The following GIMAP8 variants were observed in gnomAD, a reference collection of about 807,000 sequenced individuals.
The protein encoded by GIMAP8 is GTPase IMAP family member 8.
In GIMAP8, 29 loss-of-function variants were observed where a neutral mutation model predicts 35.6. The ratio of observed to expected loss-of-function variants is 0.81; its 90% CI spans 0.61 to 1.11. The LOEUF (loss-of-function observed/expected upper bound fraction) is 1.11, where lower values mean the gene tolerates loss of function less well. Among genes scored for constraint, GIMAP8 ranks in the 50% most tolerant of loss-of-function variants. The pLI, the probability that GIMAP8 is intolerant of heterozygous loss-of-function variation, is 0.00. For missense variants in GIMAP8, 811 were observed against 805.0 expected (o/e 1.01, Z -0.09); for synonymous variants, 335 against 308.7 (o/e 1.09, Z -0.89).
chr7:150,452,339 G>T (rs1335620170), intron 1 of GIMAP8, among the ~76,000 whole-genome samples: 1 of 151,380 alleles, frequency 6.6e-6, no homozygotes, highest in Non-Finnish European at 1.5e-5. Context: ...GTGTGTGTAG[G>T]TCCTGACATC....
intron 2 of GIMAP8, among the ~76,000 whole-genome samples, chr7:150,467,835 G>C (rs542332061): frequency 6.6e-6 from 1 of 152,192 alleles, no homozygotes; most frequent in South Asian, 2.1e-4. Flanking sequence ...ACTACTAACG[G>C]TTTTCAAATG....
At position 150,478,063 on chromosome 7, in the gene GIMAP8, A is replaced by G. The variant is rs1802281053; in HGVS notation, c.*283A>G. ...TAATAAGTGGTAGAATCAAGTCACA[A>G]GAATCACCTCACTTGTGTAGGTAGG... On this transcript the variant is annotated 3_prime_UTR_variant, in exon 5 of 5. Coordinates refer to ENST00000307271, the MANE Select transcript of GIMAP8 (RefSeq NM_175571.4). 2.2e-6 allele frequency: 1 copy of G among 453,772 alleles called. No individual in the cohort carries two copies. Among genetic ancestry groups the G allele is most frequent in the Non-Finnish European group, 3.9e-6 (1 of 254,174 alleles). 28.1% of individuals were successfully genotyped at this position (453,772 alleles called of 1,614,324 possible).
intron 1 of GIMAP8, among the ~76,000 whole-genome samples, chr7:150,466,004 G>A (rs952850856): frequency 4.6e-5 from 7 of 152,282 alleles, no homozygotes; most frequent in African/African-American, 1.7e-4. Context: ...AGCAGAAGGT[G>A]AACCAGGTCA....
In GIMAP8 at chr7:150,475,703, T is replaced by G. The variant is rs1802213240; in HGVS notation, c.1309+1065T>G. On this transcript the variant is annotated intron_variant, in intron 4 of 4. Transcript: ENST00000307271. ...AGATAAAACCCAAAGGAGCATATTT[T>G]CTTATTGAACCCTCCTTTAGAAGTA... 2.6e-5 allele frequency among the ~76,000 whole-genome samples: 4 copies of G among 152,318 alleles called. 1 individual carries two copies. The South Asian group carries it at 8.3e-4, about 32-fold the overall frequency.
intron 2 of GIMAP8, among the ~76,000 whole-genome samples, chr7:150,470,500 G>A (rs1271904956): frequency 6.6e-6 from 1 of 152,002 alleles, no homozygotes; most frequent in Non-Finnish European, 1.5e-5. Flanking sequence ...TGGGGAACGG[G>A]ATTCCAAATT....
intron 1 of GIMAP8, among the ~76,000 whole-genome samples, chr7:150,452,243 C>T (rs1456221663): frequency 6.6e-6 from 1 of 151,992 alleles, no homozygotes; most frequent in Non-Finnish European, 1.5e-5. Flanking sequence ...CTTAAGTGCA[C>T]TTTCTACATG....
intron 1 of GIMAP8, among the ~76,000 whole-genome samples, chr7:150,465,131 G>A (rs1801923772): frequency 6.6e-6 from 1 of 152,174 alleles, no homozygotes; most frequent in South Asian, 2.1e-4. Context: ...AGAACAGGAA[G>A]GGAACCCATC....
At chr7:150,456,662 G>T (rs911493124) in intron 1 of GIMAP8, among the ~76,000 whole-genome samples, 3 of 152,284 alleles carry the variant, frequency 2.0e-5, no homozygotes, top group Non-Finnish European at 4.4e-5. Flanking sequence ...TGGACACCTT[G>T]GGCGACCATT....
chr7:150,456,923 G>A (rs1279432654), intron 1 of GIMAP8, among the ~76,000 whole-genome samples: 3 of 152,144 alleles, frequency 2.0e-5, no homozygotes, highest in African/African-American at 7.2e-5. Context: ...GATAAAAACA[G>A]AATTTTTAAA....
At chr7:150,452,802 G>T (rs2116581440) in intron 1 of GIMAP8, among the ~76,000 whole-genome samples, 1 of 150,188 alleles carries the variant, frequency 6.7e-6, no homozygotes, top group Admixed American at 6.6e-5. Context: ...TGACCAGGCT[G>T]GTCTCAAACT....
intron 1 of GIMAP8, among the ~76,000 whole-genome samples, chr7:150,458,288 C>G (rs919218178): frequency 1.3e-5 from 2 of 152,154 alleles, no homozygotes; most frequent in Non-Finnish European, 2.9e-5. Context: ...CAAAGGCAAC[C>G]TGCTGTAGAA....
At chr7:150,456,212 G>A (rs1454582136) in intron 1 of GIMAP8, among the ~76,000 whole-genome samples, 12 of 152,184 alleles carry the variant, frequency 7.9e-5, no homozygotes, top group South Asian at 2.1e-4. Context: ...TATTGCTGCT[G>A]TAACAAATTG....
At chr7:150,454,866 G>A (rs1289588012) in intron 1 of GIMAP8, among the ~76,000 whole-genome samples, 1 of 151,138 alleles carries the variant, frequency 6.6e-6, no homozygotes, top group Admixed American at 6.6e-5. Context: ...CAGGCCGGGC[G>A]CAGTGGTTCA....
At chr7:150,467,997 A>C (rs530215994) in intron 2 of GIMAP8, among the ~76,000 whole-genome samples, 1 of 152,154 alleles carries the variant, frequency 6.6e-6, no homozygotes, top group Non-Finnish European at 1.5e-5. Flanking sequence ...CTTCTCCTTC[A>C]TGCTTCAGAA....
At chr7:150,455,688 C>G (rs977272368) in intron 1 of GIMAP8, among the ~76,000 whole-genome samples, 24 of 152,316 alleles carry the variant, frequency 1.6e-4, no homozygotes, top group Admixed American at 1.2e-3. Context: ...ACGAGGATAA[C>G]CTGGGTCTTG....
At chr7:150,468,500 C>G (rs1389067641) in intron 2 of GIMAP8, among the ~76,000 whole-genome samples, 1 of 152,150 alleles carries the variant, frequency 6.6e-6, no homozygotes, top group Middle Eastern at 3.2e-3. Flanking sequence ...TGATGCGTAA[C>G]ATCAGTTACG....
intron 1 of GIMAP8, among the ~76,000 whole-genome samples, chr7:150,457,885 G>A (rs1325879904): frequency 6.6e-6 from 1 of 152,192 alleles, no homozygotes; most frequent in African/African-American, 2.4e-5. Flanking sequence ...TTGCTCATGG[G>A]CAGTTCTTTG....
At chr7:150,468,772 G>A (rs116867254) in intron 2 of GIMAP8, among the ~76,000 whole-genome samples, 1 of 152,160 alleles carries the variant, frequency 6.6e-6, no homozygotes, top group Non-Finnish European at 1.5e-5. Flanking sequence ...AAGCAGCATG[G>A]AAATAAGAGA....
In GIMAP8 at chr7:150,477,885, G is replaced by A. The variant is rs761296200; in HGVS notation, c.*105G>A. On this transcript the variant is annotated 3_prime_UTR_variant, in exon 5 of 5. Coordinates refer to ENST00000307271, the MANE Select transcript of GIMAP8 (RefSeq NM_175571.4). ...GGAAGGGAAGCGGGTTCATGGCTTT[G>A]AGGGCCTGAGAGGCAAATGCATCCC... The A allele has an allele frequency of 6.7e-5, 54 of 804,544 alleles. No homozygotes were observed. The highest frequency in any genetic ancestry group is 9.5e-5 in the Non-Finnish European group (48 of 507,598). The allele number at this position is 804,544 out of a possible 1,614,324, so 49.8% of individuals were successfully genotyped here.
Sources: allele counts gnomAD v4.1 joint callset (sites outside exome capture counted in the v4.1 genomes callset), GRCh38; gene constraint gnomAD v4.1.1; transcripts MANE v1.5; gene names NCBI Gene and HGNC (gene_info 2026-07-23, HGNC 2026-07-21).